The following PREX2 variants were observed in gnomAD, a reference collection of about 807,000 sequenced individuals.
PREX2 encodes phosphatidylinositol-3,4,5-trisphosphate dependent Rac exchange factor 2.
PREX2 carries 107 observed loss-of-function variants against 203.2 expected under a neutral mutation model. The ratio of observed to expected loss-of-function variants is 0.53; its 90% CI spans 0.45 to 0.62. The LOEUF (loss-of-function observed/expected upper bound fraction) is 0.62, where lower values mean the gene tolerates loss of function less well. Among genes scored for constraint, PREX2 ranks in the 20% least tolerant of loss-of-function variants. The pLI is 0.00. For synonymous variants in PREX2, 672 were observed against 663.6 expected (o/e 1.01, Z -0.19); for missense variants, 1,777 against 1,955.9 (o/e 0.91, Z 1.72).
intron 1 of PREX2, among the ~76,000 whole-genome samples, chr8:67,984,027 A>T (rs925129272): frequency 6.6e-6 from 1 of 151,818 alleles, no homozygotes; most frequent in South Asian, 2.1e-4. Context: ...CATGCCTCTG[A>T]TCCTGCTATT....
chr8:68,106,372 G>C, intron 23 of PREX2: 1 of 493,940 alleles, frequency 2.0e-6, no homozygotes, highest in Non-Finnish European at 4.0e-6. Context: ...AAAGTGATGG[G>C]ATAGGTCAGG....
intron 1 of PREX2, among the ~76,000 whole-genome samples, chr8:67,983,044 CT>C (rs1174960511): frequency 6.6e-6 from 1 of 152,088 alleles, no homozygotes; most frequent in Admixed American, 6.5e-5. Flanking sequence ...TCTCTTTTTC[CT>C]GATTCCTTTA....
chr8:68,163,476 T>C (rs1338203937), intron 35 of PREX2, among the ~76,000 whole-genome samples: 1 of 152,198 alleles, frequency 6.6e-6, no homozygotes, highest in Non-Finnish European at 1.5e-5. Context: ...GAATTTACCA[T>C]AGAATTTCAT....
intron 11 of PREX2, among the ~76,000 whole-genome samples, chr8:68,066,002 G>A (rs1809006203): frequency 1.3e-5 from 2 of 152,108 alleles, no homozygotes; most frequent in Non-Finnish European, 2.9e-5. Flanking sequence ...GCTAATTAGT[G>A]TATTAATCGC....
intron 3 of PREX2, among the ~76,000 whole-genome samples, chr8:68,021,634 G>A (rs1807570276): frequency 6.6e-6 from 1 of 152,098 alleles, no homozygotes; most frequent in South Asian, 2.1e-4. Flanking sequence ...TCATATACCT[G>A]GACCTTGCTC....
At chr8:67,973,078 G>T (rs1305406553) in intron 1 of PREX2, among the ~76,000 whole-genome samples, 2 of 152,048 alleles carry the variant, frequency 1.3e-5, no homozygotes, top group African/African-American at 4.8e-5. Flanking sequence ...ATGCCGTGTT[G>T]ATTTCTGTTT....
intron 2 of PREX2, among the ~76,000 whole-genome samples, chr8:68,018,760 A>G (rs1204998196): frequency 6.6e-6 from 1 of 152,230 alleles, no homozygotes; most frequent in African/African-American, 2.4e-5. Flanking sequence ...AATTAATTAT[A>G]CTATAATGAT....
intron 37 of PREX2, among the ~76,000 whole-genome samples, chr8:68,213,019 C>T (rs759173470): frequency 6.6e-6 from 1 of 152,148 alleles, no homozygotes; most frequent in Non-Finnish European, 1.5e-5. Context: ...ACATCATGAC[C>T]TCTGGCCCTG....
At chr8:68,125,671 C>T (rs541345875) in intron 30 of PREX2, among the ~76,000 whole-genome samples, 1 of 152,114 alleles carries the variant, frequency 6.6e-6, no homozygotes, top group Admixed American at 6.6e-5. Flanking sequence ...TTTGAGTAGC[C>T]CACCATCACC....
At chr8:68,025,550 T>G (rs886165608) in intron 4 of PREX2, among the ~76,000 whole-genome samples, 2 of 151,812 alleles carry the variant, frequency 1.3e-5, no homozygotes. Context: ...TTTCATCAAA[T>G]CTGGGAAGTT....
rs1479860649 is a variant in PREX2 at position 67,952,708 on chromosome 8, C to T, written c.141+173C>T. 3 of 882,132 alleles carry T rather than the reference C, an allele frequency of 3.4e-6. No homozygotes were observed. The Admixed American group carries it at 6.6e-5, about 19-fold the overall frequency. The allele number at this position is 882,132 out of a possible 1,614,324, so 54.6% of individuals were successfully genotyped here. On this transcript the variant is annotated intron_variant, in intron 1 of 39. Coordinates refer to ENST00000288368, the MANE Select transcript of PREX2 (RefSeq NM_024870.4). ...CTGCGTTCGCGGGCGCGGTGACCCC[C>T]GCGGGGATTTGTTGGTGCCCCGAGA...
At chr8:68,204,985 C>G (rs1812588954) in intron 37 of PREX2, among the ~76,000 whole-genome samples, 1 of 152,068 alleles carries the variant, frequency 6.6e-6, no homozygotes, top group African/African-American at 2.4e-5. Flanking sequence ...CCGGCCCCCT[C>G]TGCTTTCTTT....
At chr8:67,993,358 G>A (rs575461058) in intron 1 of PREX2, among the ~76,000 whole-genome samples, 15 of 150,440 alleles carry the variant, frequency 1.0e-4, no homozygotes, top group African/African-American at 3.2e-4. Context: ...AGAATACTAT[G>A]TCTTGCAACT....
chr8:68,162,411 T>C (rs1004361443), intron 35 of PREX2, among the ~76,000 whole-genome samples: 1 of 152,300 alleles, frequency 6.6e-6, no homozygotes, highest in African/African-American at 2.4e-5. Flanking sequence ...AATGTTTCAG[T>C]ATTTTAACTT....
chr8:67,983,717 T>C (rs1806334221), intron 1 of PREX2, among the ~76,000 whole-genome samples: 1 of 152,226 alleles, frequency 6.6e-6, no homozygotes, highest in Non-Finnish European at 1.5e-5. Context: ...GACCACTCTT[T>C]GATTCTCCAT....
At chr8:68,134,798 C>T (rs1811080579) in intron 32 of PREX2, among the ~76,000 whole-genome samples, 1 of 152,082 alleles carries the variant, frequency 6.6e-6, no homozygotes, top group Non-Finnish European at 1.5e-5. Context: ...AAGAGCATTG[C>T]CTTAATTACT....
At position 68,228,605 on chromosome 8, in the gene PREX2, AT is replaced by A. The variant is rs575081443; in HGVS notation, c.4776-2727del. Among the ~76,000 whole-genome samples the A allele has an allele frequency of 4.1e-3, 620 of 151,982 alleles. 6 individuals are homozygous for A. Among genetic ancestry groups the A allele is most frequent in the Non-Finnish European group, 7.4e-3 (500 of 67,946 alleles). On this transcript the variant is annotated intron_variant, in intron 39 of 39. Coordinates refer to ENST00000288368, the MANE Select transcript of PREX2 (RefSeq NM_024870.4). ...GTGAAACCCCATCTCTACTAAAAAT[AT>A]AAAAAAAAAATTAGCTGGGCATGGT...
At chr8:68,019,768 T>A in intron 3 of PREX2, 97 bp downstream of exon 3, 1 of 1,222,306 alleles carries the variant, frequency 8.2e-7, no homozygotes, top group Non-Finnish European at 1.1e-6. Context: ...GTATTAGAAG[T>A]AAAATCTGAC....
intron 1 of PREX2, among the ~76,000 whole-genome samples, chr8:67,998,883 G>A (rs1806848218): frequency 6.6e-6 from 1 of 152,218 alleles, no homozygotes; most frequent in South Asian, 2.1e-4. Context: ...CTGCAGGTTT[G>A]AGAAGAGCCA....
Sources: gnomAD v4.1 joint callset for allele counts (sites outside exome capture counted in the v4.1 genomes callset) on GRCh38, gnomAD v4.1.1 for gene constraint, MANE v1.5 for transcripts, NCBI Gene and HGNC (gene_info 2026-07-23, HGNC 2026-07-21) for gene names.